Variants in DPYD observed in about 807,000 individuals in gnomAD.
The protein encoded by DPYD is dihydropyrimidine dehydrogenase, also known as dihydropyrimidine dehydrogenase [NADP(+)].
A neutral mutation model predicts 116.2 loss-of-function variants in DPYD; 109 were observed. The observed-to-expected ratio is 0.94, with a 90% CI of 0.80 to 1.10. The LOEUF (loss-of-function observed/expected upper bound fraction) is 1.10, where lower values mean the gene tolerates loss of function less well. Among genes scored for constraint, DPYD ranks in the 50% least tolerant of loss-of-function variants. The pLI, the probability that DPYD is intolerant of heterozygous loss-of-function variation, is 0.00. For missense variants in DPYD, 1,302 were observed against 1,254.5 expected (o/e 1.04, Z -0.57); for synonymous variants, 440 against 432.0 (o/e 1.02, Z -0.23).
At chr1:97,766,310 T>C (rs888295345) in intron 3 of DPYD, among the ~76,000 whole-genome samples, 5 of 152,090 alleles carry the variant, frequency 3.3e-5, no homozygotes, top group Non-Finnish European at 7.4e-5. Context: ...AATGGATTTA[T>C]GAAGTATGGT....
chr1:97,740,581 A>C (rs1664209357), intron 3 of DPYD, 102 bp from the exon 4 acceptor site: 3 of 1,009,836 alleles, frequency 3.0e-6, no homozygotes. Flanking sequence ...AGTATAAATA[A>C]AATCGTATCA....
intron 4 of DPYD, among the ~76,000 whole-genome samples, chr1:97,734,698 G>A (rs1470906610): frequency 6.6e-6 from 1 of 152,108 alleles, no homozygotes; most frequent in Non-Finnish European, 1.5e-5. Context: ...CATGTCCAAG[G>A]ACTGAAAATA....
At chr1:97,521,176 C>A (rs777351668) in intron 12 of DPYD, among the ~76,000 whole-genome samples, 3 of 152,080 alleles carry the variant, frequency 2.0e-5, no homozygotes, top group African/African-American at 4.8e-5. Flanking sequence ...TGCTAACTGG[C>A]GTGAGATGGT....
At chr1:97,268,149 C>G (rs1405585311) in intron 18 of DPYD, among the ~76,000 whole-genome samples, 3 of 152,170 alleles carry the variant, frequency 2.0e-5, no homozygotes, top group African/African-American at 7.2e-5. Context: ...TGTTTTGACT[C>G]TATGTCCCAC....
intron 18 of DPYD, among the ~76,000 whole-genome samples, chr1:97,276,723 T>G (rs370733569): frequency 6.6e-6 from 1 of 150,980 alleles, no homozygotes; most frequent in South Asian, 2.1e-4. Flanking sequence ...CTGGTGAGGT[T>G]GTGGAGAAAA....
At chr1:97,209,487 T>C (rs928217268) in intron 19 of DPYD, among the ~76,000 whole-genome samples, 1 of 152,162 alleles carries the variant, frequency 6.6e-6, no homozygotes, top group Admixed American at 6.6e-5. Flanking sequence ...TTACTGTAGC[T>C]GTGTAAGACC....
chr1:97,466,688 T>C (rs1355274341), intron 13 of DPYD, among the ~76,000 whole-genome samples: 1 of 152,208 alleles, frequency 6.6e-6, no homozygotes, highest in Non-Finnish European at 1.5e-5. Context: ...GGAAGTTATG[T>C]GACCACGCTA....
intron 3 of DPYD, among the ~76,000 whole-genome samples, chr1:97,772,236 T>G (rs1336187015): frequency 1.3e-5 from 2 of 152,184 alleles, no homozygotes; most frequent in African/African-American, 4.8e-5. Flanking sequence ...AACTACTTCT[T>G]GAGTGTCCTC....
chr1:97,202,853 T>A (rs191076625), intron 19 of DPYD, among the ~76,000 whole-genome samples: 101 of 152,300 alleles, frequency 6.6e-4, no homozygotes, highest in African/African-American at 2.3e-3. Context: ...CTGCCTTTTA[T>A]GTGACACTAG....
chr1:97,428,334 T>C (rs563578863), intron 14 of DPYD, among the ~76,000 whole-genome samples: 49 of 152,274 alleles, frequency 3.2e-4, no homozygotes, highest in African/African-American at 1.1e-3. Context: ...AAATTACAGA[T>C]TTCCTAATAC....
At chr1:97,356,103 T>G (rs1570583616) in intron 16 of DPYD, among the ~76,000 whole-genome samples, 2 of 152,326 alleles carry the variant, frequency 1.3e-5, no homozygotes, top group African/African-American at 4.8e-5. Context: ...TTATCTGTTG[T>G]CTTTTTGATA....
At chr1:97,433,695 T>C (rs1675306301) in intron 14 of DPYD, among the ~76,000 whole-genome samples, 1 of 152,070 alleles carries the variant, frequency 6.6e-6, no homozygotes, top group African/African-American at 2.4e-5. Flanking sequence ...GCAGTCTGAG[T>C]TTGAATTGGA....
rs180823077 is a variant in DPYD at position 97,624,811 on chromosome 1, A to G, written c.851-29645T>C. Among the ~76,000 whole-genome samples the G allele has an allele frequency of 5.4e-3, 819 of 152,178 alleles. 3 individuals are homozygous for G. The highest frequency in any genetic ancestry group is 7.6e-3 in the Non-Finnish European group (514 of 67,984). ...AAAGGGAAATTTTATTATTTGTAAC[A>G]ACATGGGTGGAATTGGAGAACATTA... is the stretch of plus-strand genomic sequence containing the variant. On this transcript the variant is annotated intron_variant, in intron 8 of 22. Transcript: ENST00000370192.
At chr1:97,518,995 G>A (rs1271744268) in intron 12 of DPYD, among the ~76,000 whole-genome samples, 4 of 151,964 alleles carry the variant, frequency 2.6e-5, no homozygotes, top group African/African-American at 4.8e-5. Flanking sequence ...CAACATGCTA[G>A]GAGAATTACA....
intron 16 of DPYD, among the ~76,000 whole-genome samples, chr1:97,331,591 G>C (rs770965858): frequency 3.3e-5 from 5 of 152,070 alleles, no homozygotes; most frequent in Non-Finnish European, 7.4e-5. Flanking sequence ...GTTATGGGTA[G>C]GTAATGAGAT....
At chr1:97,600,771 A>G (rs150798245) in intron 8 of DPYD, among the ~76,000 whole-genome samples, 2 of 152,306 alleles carry the variant, frequency 1.3e-5, no homozygotes, top group East Asian at 3.9e-4. Context: ...ATGAAATGAT[A>G]CGTTTGAGTA....
intron 16 of DPYD, among the ~76,000 whole-genome samples, chr1:97,347,657 TG>T (rs1669926026): frequency 6.6e-6 from 1 of 152,084 alleles, no homozygotes; most frequent in Admixed American, 6.6e-5. Context: ...GGGAGTATTG[TG>T]TTTTTTTATT....
intron 3 of DPYD, among the ~76,000 whole-genome samples, chr1:97,818,741 T>C (rs764090993): frequency 1.3e-5 from 2 of 152,136 alleles, no homozygotes; most frequent in South Asian, 2.1e-4. Flanking sequence ...GGCAAACAGA[T>C]AATACCAAAT....
At position 97,736,372 on chromosome 1, in the gene DPYD, A is replaced by C. The variant is rs577189664; in HGVS notation, c.321+4020T>G. The stretch of plus-strand genomic sequence containing the variant: ...AAGTAAAAAAAATGGAAATAAAAAT[A>C]GTTCAGAAACAAAAATTAAGATAGT... On this transcript the variant is annotated intron_variant, in intron 4 of 22. Transcript: ENST00000370192. Among the ~76,000 whole-genome samples, 4 of 152,132 alleles carry C rather than the reference A, an allele frequency of 2.6e-5. No homozygotes were observed. In the South Asian group the frequency reaches 8.3e-4, roughly 32 times the overall value.
Sources: allele counts gnomAD v4.1 joint callset (sites outside exome capture counted in the v4.1 genomes callset), GRCh38; gene constraint gnomAD v4.1.1; transcripts MANE v1.5; gene names NCBI Gene and HGNC (gene_info 2026-07-23, HGNC 2026-07-21).